PRKAR1B: variants seen among roughly 807,000 people sequenced by gnomAD.
PRKAR1B encodes the protein cAMP-dependent protein kinase type I-beta regulatory subunit.
Under a neutral mutation model 46.5 loss-of-function variants are expected in PRKAR1B, and 22 were observed. The ratio of observed to expected loss-of-function variants is 0.47; its 90% CI spans 0.34 to 0.68. PRKAR1B has a LOEUF of 0.68. Among genes scored for constraint, PRKAR1B ranks in the 30% least tolerant of loss-of-function variants. The probability of loss-of-function intolerance (pLI) is 0.01; values close to 1 mark genes in which losing one functional copy is unlikely to be tolerated. For synonymous variants in PRKAR1B, 259 were observed against 217.7 expected (o/e 1.19, Z -1.67); for missense variants, 445 against 535.6 (o/e 0.83, Z 1.67).
chr7:704,724 G>A (rs1199507675), intron 2 of PRKAR1B, among the ~76,000 whole-genome samples: 1 of 151,996 alleles, frequency 6.6e-6, no homozygotes, highest in Non-Finnish European at 1.5e-5. Context: ...AGCTAAGATC[G>A]CACCACTGCA....
intron 2 of PRKAR1B, among the ~76,000 whole-genome samples, chr7:710,499 C>T (rs1486515136): frequency 2.0e-5 from 3 of 152,210 alleles, no homozygotes; most frequent in Non-Finnish European, 2.9e-5. Flanking sequence ...GCATCATTCC[C>T]GGAGAGAAGA....
intron 4 of PRKAR1B, among the ~76,000 whole-genome samples, chr7:626,712 A>C (rs1192448745): frequency 6.6e-6 from 1 of 151,962 alleles, no homozygotes; most frequent in East Asian, 1.9e-4. Context: ...AGGAAAGATA[A>C]AGTGAACTTT....
chr7:631,669 G>A (rs758657622), intron 4 of PRKAR1B, among the ~76,000 whole-genome samples: 3 of 152,170 alleles, frequency 2.0e-5, no homozygotes, highest in Non-Finnish European at 2.9e-5. Flanking sequence ...AAAAGAAGGC[G>A]GATGCCAGAC....
Position 579,274 on chromosome 7 carries a change from G to A in PRKAR1B, c.873C>T (p.Asp291=). The change falls in exon 9 of 11, where the codon GAC becomes GAT. Residue 291 remains aspartate, a synonymous_variant. Transcript: ENST00000537384. The part of the protein sequence containing the change: ...KIVVQGEPGD[D]FYIITEGTAS... Reference sequence around the variant, plus strand: ...GTCTCACCTCCGTGATGATGTAAAAGTCGTCCCCAGGCTCTCCCTGGACCA... The same window carrying A: ...GTCTCACCTCCGTGATGATGTAAAAATCGTCCCCAGGCTCTCCCTGGACCA... 7.4e-6 allele frequency: 12 copies of A among 1,614,150 alleles called. No individual in the cohort carries two copies. The highest frequency in any genetic ancestry group is 1.0e-5 in the Non-Finnish European group (12 of 1,180,040).
rs368122231 is a variant in PRKAR1B at position 707,480 on chromosome 7, G to A, written c.177+3849C>T. On this transcript the variant is annotated intron_variant, in intron 2 of 10. Coordinates refer to ENST00000537384, the MANE Select transcript of PRKAR1B (RefSeq NM_001164760.2). Reference sequence around the variant, plus strand: ...GTTGGAGGAAGGCCTGAGAAAAATTGCCCTGCCCACGCCCAAGAAGGCCGC... The same window carrying A: ...GTTGGAGGAAGGCCTGAGAAAAATTACCCTGCCCACGCCCAAGAAGGCCGC... 1.1e-4 allele frequency among the ~76,000 whole-genome samples: 16 copies of A among 152,266 alleles called. No homozygotes were observed. In the East Asian group the frequency reaches 2.9e-3, roughly 28 times the overall value.
In PRKAR1B at chr7:691,479, G is replaced by A. The variant is rs145692466; in HGVS notation, c.178-10753C>T. ...CTCCCACGGATGAAGATGCAGGCAG[G>A]GCCCCCCAGCGCACCACAGCCATCC... On this transcript the variant is annotated intron_variant, in intron 2 of 10. Coordinates refer to ENST00000537384, the MANE Select transcript of PRKAR1B (RefSeq NM_001164760.2). The A allele has an allele frequency of 6.6e-5, 86 of 1,303,654 alleles. 1 individual carries two copies. The African/African-American group carries it at 1.0e-3, about 16-fold the overall frequency. The allele number at this position is 1,303,654 out of a possible 1,614,324, so 80.8% of individuals were successfully genotyped here. A position where few individuals can be genotyped will look rare whatever the true frequency, so the allele number is the denominator to read the frequency against.
chr7:714,521 G>A lies in PRKAR1B; in HGVS notation c.-22-2994C>T, dbSNP rs1048028146. On this transcript the variant is annotated intron_variant, in intron 1 of 10. Coordinates refer to ENST00000537384, the MANE Select transcript of PRKAR1B (RefSeq NM_001164760.2). This position sits in a 1 kb window ranked among gnomAD's most constrained non-coding sequence, Gnocchi z 4.3. ...GCTGAGCTCCTCTCCTCATTGCCAC[G>A]ACGGCAGCTCCCACTGCCTCTCTCT... 7.2e-5 allele frequency among the ~76,000 whole-genome samples: 11 copies of A among 152,158 alleles called. No homozygotes were observed. The highest frequency in any genetic ancestry group is 2.7e-4 in the African/African-American group (11 of 41,440).
chr7:664,184 C>T (rs1785775628), intron 4 of PRKAR1B, among the ~76,000 whole-genome samples: 1 of 152,184 alleles, frequency 6.6e-6, no homozygotes, highest in East Asian at 1.9e-4. Context: ...TCCTCACACC[C>T]GCTGGCAGGC....
At chr7:601,143 G>A (rs963695402) in intron 6 of PRKAR1B, among the ~76,000 whole-genome samples, 12 of 152,170 alleles carry the variant, frequency 7.9e-5, no homozygotes, top group Non-Finnish European at 1.6e-4. Context: ...ATGGGCCTCC[G>A]GCACTTGGCC....
Position 551,456 on chromosome 7 carries a change from C to T in PRKAR1B, c.906G>A (p.Val302=), listed in dbSNP as rs1285589940. The T allele has an allele frequency of 1.3e-6, 2 of 1,555,918 alleles. No homozygotes were observed. Among genetic ancestry groups the T allele is most frequent in the Non-Finnish European group, 1.7e-6 (2 of 1,149,418 alleles). ...CCTCATTGGGGGACCGGCGCTGCAGCACGGACGCGGTGCCCTGTGGGTGGA... is the reference window on the plus strand; with the variant it reads ...CCTCATTGGGGGACCGGCGCTGCAGTACGGACGCGGTGCCCTGTGGGTGGA... ...FYIITEGTAS[V]LQRRSPNEEY... Residue 302 remains valine (V), a synonymous_variant, in exon 10 of 11, where the codon GTG becomes GTA. Transcript: ENST00000537384.
At chr7:646,011 C>T (rs1242799836) in intron 4 of PRKAR1B, among the ~76,000 whole-genome samples, 2 of 152,166 alleles carry the variant, frequency 1.3e-5, no homozygotes, top group African/African-American at 2.4e-5. Context: ...CCGGCTCCTT[C>T]GTCACCAACA....
At chr7:706,585 A>ATTTTT (rs754034242) in intron 2 of PRKAR1B, among the ~76,000 whole-genome samples, 5 of 113,724 alleles carry the variant, frequency 4.4e-5, no homozygotes, top group Admixed American at 1.9e-4. Context: ...TGCCCAGCTA[A>ATTTTT]TTTTTTTTTT....
chr7:694,471 T>C (rs1276844576), intron 2 of PRKAR1B, among the ~76,000 whole-genome samples: 1 of 151,750 alleles, frequency 6.6e-6, no homozygotes, highest in Non-Finnish European at 1.5e-5. Flanking sequence ...GGAGTCAGAG[T>C]AGCTTGCCAA....
chr7:727,485 A>C, upstream of PRKAR1B: 5 of 232,408 alleles, frequency 2.2e-5, no homozygotes, highest in East Asian at 7.0e-5. Context: ...CCTGCCCCAA[A>C]GCACCCCGCC....
chr7:632,480 C>A (rs938773584), intron 4 of PRKAR1B, among the ~76,000 whole-genome samples: 1 of 152,242 alleles, frequency 6.6e-6, no homozygotes, highest in Non-Finnish European at 1.5e-5. Flanking sequence ...ACGGCCACTG[C>A]GTCTGAAGAC....
chr7:613,461 A>G (rs1418434160), intron 4 of PRKAR1B, among the ~76,000 whole-genome samples: 3 of 152,228 alleles, frequency 2.0e-5, no homozygotes, highest in Admixed American at 6.5e-5. Flanking sequence ...AGTGTGGCAC[A>G]GACTCCAAGC....
At chr7:678,676 G>A (rs1778479681) in intron 3 of PRKAR1B, among the ~76,000 whole-genome samples, 2 of 152,378 alleles carry the variant, frequency 1.3e-5, no homozygotes, top group African/African-American at 4.8e-5. Flanking sequence ...GTGCAACTGC[G>A]GACCACGCAG....
At chr7:637,373 C>T (rs1434840388) in intron 4 of PRKAR1B, among the ~76,000 whole-genome samples, 3 of 151,896 alleles carry the variant, frequency 2.0e-5, no homozygotes, top group African/African-American at 7.3e-5. Context: ...GCCGAGATTG[C>T]GCCACTGCAC....
intron 2 of PRKAR1B, among the ~76,000 whole-genome samples, chr7:704,659 C>T (rs1780223868): frequency 1.3e-5 from 2 of 152,080 alleles, no homozygotes; most frequent in African/African-American, 4.8e-5. Flanking sequence ...ATCCCAGCTA[C>T]TCGGGAGGCT....
Sources: allele counts gnomAD v4.1 joint callset (sites outside exome capture counted in the v4.1 genomes callset), GRCh38; gene constraint gnomAD v4.1.1; non-coding constraint Gnocchi (gnomAD v3.1); transcripts MANE v1.5; gene names NCBI Gene and HGNC (gene_info 2026-07-23, HGNC 2026-07-21).